The following HMBOX1 variants were observed in gnomAD, a reference collection of about 807,000 sequenced individuals.
The protein encoded by HMBOX1 is homeobox-containing protein 1.
In HMBOX1, 14 loss-of-function variants were observed where a neutral mutation model predicts 54.5. The ratio of observed to expected loss-of-function variants is 0.26; its 90% CI spans 0.17 to 0.40. The LOEUF is 0.40. Among genes scored for constraint, HMBOX1 ranks in the 10% least tolerant of loss-of-function variants. The probability of loss-of-function intolerance (pLI) is 1.00; values close to 1 mark genes in which losing one functional copy is unlikely to be tolerated. For missense variants in HMBOX1, 332 were observed against 514.4 expected (o/e 0.65, Z 3.43); for synonymous variants, 160 against 181.0 (o/e 0.88, Z 0.93).
chr8:29,026,362 G>A (rs1802030546), intron 6 of HMBOX1, among the ~76,000 whole-genome samples: 1 of 152,110 alleles, frequency 6.6e-6, no homozygotes, highest in South Asian at 2.1e-4. Context: ...GGGGAGGATA[G>A]GGGTGTTGGG....
At chr8:28,940,876 T>C (rs954950883) in intron 1 of HMBOX1, among the ~76,000 whole-genome samples, 1 of 152,244 alleles carries the variant, frequency 6.6e-6, no homozygotes, top group Non-Finnish European at 1.5e-5. Flanking sequence ...TAGCTCCTGA[T>C]TTAAGTGGAA....
intron 4 of HMBOX1, among the ~76,000 whole-genome samples, chr8:28,990,034 A>G (rs1440210791): frequency 6.6e-6 from 1 of 152,094 alleles, no homozygotes; most frequent in African/African-American, 2.4e-5. Flanking sequence ...GTTTTATTAT[A>G]TTGACCTGTG....
At chr8:29,047,806 A>T (rs1218658308) in intron 8 of HMBOX1, among the ~76,000 whole-genome samples, 2 of 151,998 alleles carry the variant, frequency 1.3e-5, no homozygotes, top group African/African-American at 4.8e-5. Flanking sequence ...ACCTCAGGTG[A>T]TCCGTCCGCC....
chr8:29,038,155 A>G (rs959135668), intron 6 of HMBOX1, among the ~76,000 whole-genome samples: 2 of 152,136 alleles, frequency 1.3e-5, no homozygotes, highest in Non-Finnish European at 2.9e-5. Context: ...TATAGACTTC[A>G]GTGTTATTGA....
intron 1 of HMBOX1, among the ~76,000 whole-genome samples, chr8:28,900,141 C>T (rs1290822455): frequency 1.3e-5 from 2 of 150,376 alleles, no homozygotes; most frequent in South Asian, 2.1e-4. Flanking sequence ...CCCAGCTACT[C>T]GGGAGGCTAA....
intron 1 of HMBOX1, among the ~76,000 whole-genome samples, chr8:28,892,789 A>T (rs527898495): frequency 6.6e-6 from 1 of 152,314 alleles, no homozygotes; most frequent in African/African-American, 2.4e-5. Flanking sequence ...CAATATGTTG[A>T]TTCAAAACTA....
intron 1 of HMBOX1, among the ~76,000 whole-genome samples, chr8:28,917,830 C>T (rs184444360): frequency 1.7e-3 from 260 of 152,214 alleles, no homozygotes; most frequent in Non-Finnish European, 2.9e-3. Context: ...ATTACATTGA[C>T]TGATTTTTGA....
At chr8:29,050,300 GTACATCC>G (rs2133405428) in intron 9 of HMBOX1, 1 of 796,586 alleles carries the variant, frequency 1.3e-6, no homozygotes, top group South Asian at 5.7e-5. Context: ...AGTGCCTGAC[GTACATCC>G]TGCAATGCCA....
chr8:28,938,521 A>G (rs930544491), intron 1 of HMBOX1, among the ~76,000 whole-genome samples: 5 of 152,090 alleles, frequency 3.3e-5, no homozygotes, highest in South Asian at 2.1e-4. Context: ...ATCATAGTTC[A>G]CTGCAGTCCC....
chr8:29,005,294 G>A (rs1004356012), intron 4 of HMBOX1, among the ~76,000 whole-genome samples: 1 of 152,038 alleles, frequency 6.6e-6, no homozygotes, highest in African/African-American at 2.4e-5. Context: ...TTAGTATTTA[G>A]GGTGAAAAGC....
In HMBOX1 at chr8:28,908,726, A is replaced by C. The variant is rs193237944; in HGVS notation, c.-58+18048A>C. On this transcript the variant is annotated intron_variant, in intron 1 of 9. Coordinates refer to ENST00000287701, the MANE Select transcript of HMBOX1 (RefSeq NM_001135726.3). ...GCCTACAGTGAGCCGAGATTGTGCC[A>C]TTGGACTCCAGCCTGGGCGACAGAG... Among the ~76,000 whole-genome samples, 452 of 152,266 alleles carry C rather than the reference A, an allele frequency of 3.0e-3. 1 individual carries two copies. Among genetic ancestry groups the C allele is most frequent in the African/African-American group, 0.01 (429 of 41,556 alleles).
intron 6 of HMBOX1, among the ~76,000 whole-genome samples, chr8:29,030,510 C>T (rs1011639610): frequency 8.5e-5 from 13 of 152,260 alleles, no homozygotes; most frequent in South Asian, 4.1e-4. Context: ...TGAGCCACAA[C>T]GCCCGGCCGG....
intron 6 of HMBOX1, among the ~76,000 whole-genome samples, chr8:29,041,688 G>T (rs947771554): frequency 3.3e-5 from 5 of 152,106 alleles, no homozygotes; most frequent in Admixed American, 3.3e-4. Flanking sequence ...ACTGCGGGGT[G>T]GGGGAGGCAA....
intron 1 of HMBOX1, among the ~76,000 whole-genome samples, chr8:28,961,263 A>G (rs1825539469): frequency 6.6e-6 from 1 of 152,208 alleles, no homozygotes; most frequent in South Asian, 2.1e-4. Context: ...TATATAGTTC[A>G]GTGGCATTAA....
chr8:29,049,302 G>A (rs1287795819), intron 9 of HMBOX1: 1 of 1,536,356 alleles, frequency 6.5e-7, no homozygotes, highest in South Asian at 1.2e-5. Context: ...TACTTGGCAA[G>A]TACGCAATGG....
At chr8:29,009,231 A>G in intron 5 of HMBOX1, 49 bp downstream of exon 5, 1 of 1,428,424 alleles carries the variant, frequency 7.0e-7, no homozygotes, top group Non-Finnish European at 9.9e-7. Context: ...AGACAGATAT[A>G]ATGAATTACT....
chr8:28,924,934 A>G (rs893557831), intron 1 of HMBOX1, among the ~76,000 whole-genome samples: 2 of 139,984 alleles, frequency 1.4e-5, no homozygotes, highest in Admixed American at 7.3e-5. Flanking sequence ...TTTTTTTTCT[A>G]ATAGTTGAAG....
intron 6 of HMBOX1, among the ~76,000 whole-genome samples, chr8:29,023,179 C>A (rs966077444): frequency 6.6e-6 from 1 of 151,776 alleles, no homozygotes; most frequent in Non-Finnish European, 1.5e-5. Context: ...TATTAGGAAC[C>A]AAGATTGTCA....
chr8:28,907,582 T>C (rs1336988710), intron 1 of HMBOX1, among the ~76,000 whole-genome samples: 1 of 152,192 alleles, frequency 6.6e-6, no homozygotes, highest in South Asian at 2.1e-4. Context: ...ATCAGTGATT[T>C]GTTATGTGCC....
Sources: gnomAD v4.1 joint callset for allele counts (sites outside exome capture counted in the v4.1 genomes callset) on GRCh38, gnomAD v4.1.1 for gene constraint, MANE v1.5 for transcripts, NCBI Gene and HGNC (gene_info 2026-07-23, HGNC 2026-07-21) for gene names.